Variants in CSMD1 observed in about 807,000 individuals in gnomAD.
CSMD1 encodes CUB and sushi domain-containing protein 1.
CSMD1 carries 213 observed loss-of-function variants against 417.5 expected under a neutral mutation model. That is an observed-to-expected ratio of 0.51 (90% CI 0.46 to 0.57). The LOEUF (loss-of-function observed/expected upper bound fraction) is 0.57. Among genes scored for constraint, CSMD1 ranks in the 20% least tolerant of loss-of-function variants. CSMD1 has a pLI of 0.00. For synonymous variants in CSMD1, 2,862 were observed against 1,736.8 expected (o/e 1.65, Z -16.11); for missense variants, 6,923 against 4,529.7 (o/e 1.53, Z -15.17).
At chr8:4,363,369 C>T (rs929893577) in intron 3 of CSMD1, among the ~76,000 whole-genome samples, 2 of 152,138 alleles carry the variant, frequency 1.3e-5, no homozygotes, top group Non-Finnish European at 1.5e-5. Flanking sequence ...TATGCATGTG[C>T]GTGCATGCTT....
intron 3 of CSMD1, among the ~76,000 whole-genome samples, chr8:4,098,222 T>A (rs1473200831): frequency 1.3e-5 from 2 of 152,204 alleles, no homozygotes; most frequent in African/African-American, 4.8e-5. Context: ...ATACTTTGAA[T>A]AGAATCTAAT....
At chr8:4,463,190 T>G (rs1267042354) in intron 2 of CSMD1, among the ~76,000 whole-genome samples, 5 of 152,206 alleles carry the variant, frequency 3.3e-5, no homozygotes, top group African/African-American at 9.6e-5. Flanking sequence ...ATAAAAATTC[T>G]CAGCATCCTT....
intron 11 of CSMD1, among the ~76,000 whole-genome samples, chr8:3,491,044 A>G (rs1818344131): frequency 6.6e-6 from 1 of 152,178 alleles, no homozygotes. Context: ...AAATTCCTCA[A>G]TGGAAATGTT....
chr8:3,121,091 C>A (rs796976755), intron 41 of CSMD1, among the ~76,000 whole-genome samples: 68 of 138,794 alleles, frequency 4.9e-4, no homozygotes, highest in African/African-American at 1.5e-3. Context: ...CAAACAACAA[C>A]AAAAAAAAAA....
At chr8:4,261,132 C>G (rs1325307575) in intron 3 of CSMD1, among the ~76,000 whole-genome samples, 1 of 152,108 alleles carries the variant, frequency 6.6e-6, no homozygotes, top group Non-Finnish European at 1.5e-5. Flanking sequence ...TTGTTAGACT[C>G]TTTTTTCTCC....
intron 1 of CSMD1, among the ~76,000 whole-genome samples, chr8:4,687,510 G>C (rs141951124): frequency 1.3e-5 from 2 of 152,158 alleles, no homozygotes; most frequent in African/African-American, 4.8e-5. Context: ...CAGAAGACAC[G>C]ATCTCTGGGA....
At chr8:4,637,864 G>T (rs1802935297) in intron 1 of CSMD1, among the ~76,000 whole-genome samples, 1 of 151,216 alleles carries the variant, frequency 6.6e-6, no homozygotes, top group Non-Finnish European at 1.5e-5. Flanking sequence ...TAGAGACGGG[G>T]TTTCACCTTG....
chr8:4,784,743 G>A (rs559726218), intron 1 of CSMD1, among the ~76,000 whole-genome samples: 1 of 152,158 alleles, frequency 6.6e-6, no homozygotes, highest in African/African-American at 2.4e-5. Context: ...TTTAAATGAA[G>A]TCATATCTGC....
At chr8:4,212,430 T>C (rs531901249) in intron 3 of CSMD1, among the ~76,000 whole-genome samples, 5 of 152,226 alleles carry the variant, frequency 3.3e-5, no homozygotes, top group African/African-American at 1.2e-4. Flanking sequence ...ACGTCCCAGG[T>C]AGTTCAGAAA....
chr8:4,755,788 C>A (rs79368511), intron 1 of CSMD1, among the ~76,000 whole-genome samples: 1 of 152,132 alleles, frequency 6.6e-6, no homozygotes, highest in African/African-American at 2.4e-5. Flanking sequence ...TTCATGAACG[C>A]TATTTTTTCC....
In CSMD1 at chr8:4,213,691, G is replaced by A. The variant is rs571893120; in HGVS notation, c.416-181592C>T. Among the ~76,000 whole-genome samples, 59 of 152,338 alleles carry A rather than the reference G, an allele frequency of 3.9e-4. 1 individual carries two copies. The highest frequency in any genetic ancestry group is 1.3e-3 in the African/African-American group (53 of 41,590). On this transcript the variant is annotated intron_variant, in intron 3 of 69. Transcript: ENST00000635120. ...ATGAAAGCAGCCATGGGCCCTCCCTGGTGGGAAGCCGTGGGCTCCTGTGTG... is the reference window on the plus strand; with the variant it reads ...ATGAAAGCAGCCATGGGCCCTCCCTAGTGGGAAGCCGTGGGCTCCTGTGTG...
At chr8:4,215,804 T>C (rs116392736) in intron 3 of CSMD1, among the ~76,000 whole-genome samples, 1 of 152,306 alleles carries the variant, frequency 6.6e-6, no homozygotes, top group African/African-American at 2.4e-5. Context: ...TCTCCTTTTC[T>C]GGCACTAACA....
At chr8:4,104,570 T>C (rs757167944) in intron 3 of CSMD1, among the ~76,000 whole-genome samples, 7 of 152,160 alleles carry the variant, frequency 4.6e-5, no homozygotes, top group African/African-American at 7.2e-5. Context: ...TGTTAAACTG[T>C]AAATAAATGA....
chr8:3,953,667 C>A (rs1457329017), intron 5 of CSMD1, among the ~76,000 whole-genome samples: 1 of 151,988 alleles, frequency 6.6e-6, no homozygotes, highest in Non-Finnish European at 1.5e-5. Context: ...GACTGGGAGC[C>A]TGGGGAAGTG....
chr8:4,815,903 A>C (rs1799179288), intron 1 of CSMD1, among the ~76,000 whole-genome samples: 1 of 152,122 alleles, frequency 6.6e-6, no homozygotes. Context: ...GATCTCATCT[A>C]GGCTTTCTAG....
chr8:4,795,251 G>GTTTTTTTTTTTT (rs1797912090), intron 1 of CSMD1, among the ~76,000 whole-genome samples: 1 of 85,246 alleles, frequency 1.2e-5, no homozygotes, highest in Non-Finnish European at 2.5e-5. Flanking sequence ...TGGTGTCATA[G>GTTTTTTTTTTTT]CTTTTTTTTT....
chr8:3,093,364 G>A (rs529499834), intron 47 of CSMD1, among the ~76,000 whole-genome samples: 2 of 152,194 alleles, frequency 1.3e-5, no homozygotes, highest in South Asian at 4.2e-4. Flanking sequence ...CCAGAATTGT[G>A]AGAACATAAA....
intron 22 of CSMD1, among the ~76,000 whole-genome samples, chr8:3,347,112 A>G (rs1808057608): frequency 6.6e-6 from 1 of 152,242 alleles, no homozygotes; most frequent in East Asian, 1.9e-4. Flanking sequence ...AATGTTTTAA[A>G]TATGTTTACG....
At chr8:4,081,282 C>T (rs531936263) in intron 3 of CSMD1, among the ~76,000 whole-genome samples, 2 of 152,172 alleles carry the variant, frequency 1.3e-5, no homozygotes, top group Admixed American at 6.5e-5. Context: ...CAGCGATTCT[C>T]GTCTCCTAGC....
Sources: allele counts gnomAD v4.1 joint callset (sites outside exome capture counted in the v4.1 genomes callset), GRCh38; gene constraint gnomAD v4.1.1; transcripts MANE v1.5; gene names NCBI Gene and HGNC (gene_info 2026-07-23, HGNC 2026-07-21).